The following ZNF804B variants were observed in gnomAD, a reference collection of about 807,000 sequenced individuals.
ZNF804B encodes the protein zinc finger protein 804B.
Under a neutral mutation model 101.4 loss-of-function variants are expected in ZNF804B, and 80 were observed. The ratio of observed to expected loss-of-function variants is 0.79; its 90% CI spans 0.66 to 0.95. ZNF804B has a LOEUF of 0.95. ZNF804B is among the 40% of genes least tolerant of loss of function. The pLI, the probability that ZNF804B is intolerant of heterozygous loss-of-function variation, is 0.00. For missense variants in ZNF804B, 1,673 were observed against 1,561.9 expected (o/e 1.07, Z -1.20); for synonymous variants, 622 against 558.8 (o/e 1.11, Z -1.59).
chr7:88,927,910 T>C (rs1792830388), intron 1 of ZNF804B, among the ~76,000 whole-genome samples: 1 of 152,148 alleles, frequency 6.6e-6, no homozygotes, highest in Non-Finnish European at 1.5e-5. Context: ...AATTAATATG[T>C]GGACCAGCCT....
At chr7:89,178,854 C>T (rs1448765770) in intron 1 of ZNF804B, among the ~76,000 whole-genome samples, 1 of 152,104 alleles carries the variant, frequency 6.6e-6, no homozygotes, top group Non-Finnish European at 1.5e-5. Context: ...GAACAGGTCT[C>T]CTGTTTATAA....
intron 1 of ZNF804B, among the ~76,000 whole-genome samples, chr7:88,872,569 T>C (rs7807304): frequency 0.48 from 72,335 of 150,542 alleles, 20,288 homozygotes; most frequent in African/African-American, 0.78. Context: ...ACTGCACCCA[T>C]TAACTCGTCA....
intron 1 of ZNF804B, among the ~76,000 whole-genome samples, chr7:88,986,119 T>C (rs1462546444): frequency 6.6e-6 from 1 of 152,130 alleles, no homozygotes; most frequent in Non-Finnish European, 1.5e-5. Flanking sequence ...TACATTAATA[T>C]AATATTCAAA....
chr7:88,791,786 T>C (rs1790385376), intron 1 of ZNF804B, among the ~76,000 whole-genome samples: 1 of 152,134 alleles, frequency 6.6e-6, no homozygotes, highest in Non-Finnish European at 1.5e-5. Flanking sequence ...ACATATGTAT[T>C]ATTTTTCCAC....
chr7:88,861,970 C>G (rs761356104), intron 1 of ZNF804B, among the ~76,000 whole-genome samples: 4 of 152,056 alleles, frequency 2.6e-5, no homozygotes, highest in Non-Finnish European at 5.9e-5. Flanking sequence ...CTGGGGGGAC[C>G]CAATGCTAAG....
At chr7:89,157,297 G>A (rs1790992987) in intron 1 of ZNF804B, among the ~76,000 whole-genome samples, 1 of 152,116 alleles carries the variant, frequency 6.6e-6, no homozygotes, top group South Asian at 2.1e-4. Flanking sequence ...AAAAGAAAAT[G>A]TCAAGGTCTC....
chr7:89,325,512 G>A (rs1790884393), intron 2 of ZNF804B, among the ~76,000 whole-genome samples: 1 of 151,914 alleles, frequency 6.6e-6, no homozygotes, highest in Non-Finnish European at 1.5e-5. Flanking sequence ...GATTAACATA[G>A]TAGCAATTAA....
chr7:89,320,406 G>A (rs1401065127), intron 2 of ZNF804B, among the ~76,000 whole-genome samples: 2 of 152,032 alleles, frequency 1.3e-5, no homozygotes, highest in African/African-American at 4.8e-5. Context: ...AGTCTTATCT[G>A]CTGACTAGAT....
intron 1 of ZNF804B, among the ~76,000 whole-genome samples, chr7:88,996,012 A>G (rs749470446): frequency 1.3e-5 from 2 of 152,042 alleles, no homozygotes; most frequent in South Asian, 4.1e-4. Context: ...CTAAGAAGCC[A>G]TGGCAGCTAA....
intron 1 of ZNF804B, among the ~76,000 whole-genome samples, chr7:89,211,491 G>C (rs1351222428): frequency 1.3e-5 from 2 of 152,042 alleles, no homozygotes; most frequent in Non-Finnish European, 2.9e-5. Flanking sequence ...GATTTTTGTT[G>C]TTTTGGGTTT....
chr7:88,869,142 T>C (rs532551150), intron 1 of ZNF804B, among the ~76,000 whole-genome samples: 1 of 152,348 alleles, frequency 6.6e-6, no homozygotes, highest in South Asian at 2.1e-4. Flanking sequence ...TCATCTTACA[T>C]GATATCTTAG....
chr7:88,837,115 A>G (rs760079623), intron 1 of ZNF804B, among the ~76,000 whole-genome samples: 13 of 151,926 alleles, frequency 8.6e-5, no homozygotes, highest in East Asian at 1.9e-4. Context: ...CACTTGTCCA[A>G]TTGATTGAGT....
intron 2 of ZNF804B, among the ~76,000 whole-genome samples, chr7:89,281,373 G>A (rs570551784): frequency 6.6e-6 from 1 of 152,120 alleles, no homozygotes; most frequent in East Asian, 1.9e-4. Context: ...ACATTTAAAG[G>A]TTACTAACTA....
At chr7:89,280,021 C>T (rs1393911567) in intron 2 of ZNF804B, among the ~76,000 whole-genome samples, 1 of 151,996 alleles carries the variant, frequency 6.6e-6, no homozygotes, top group Non-Finnish European at 1.5e-5. Context: ...AAGCTGTCCT[C>T]AGCAAATGTA....
chr7:89,244,905 T>A (rs561478542), intron 2 of ZNF804B, among the ~76,000 whole-genome samples: 1 of 152,266 alleles, frequency 6.6e-6, no homozygotes, highest in East Asian at 1.9e-4. Flanking sequence ...ATGTGAACAA[T>A]CTCAAATTTA....
intron 1 of ZNF804B, among the ~76,000 whole-genome samples, chr7:88,837,493 T>C (rs576245509): frequency 2.0e-5 from 3 of 152,066 alleles, no homozygotes; most frequent in African/African-American, 7.2e-5. Context: ...ATCATATTTT[T>C]CAGTGATCAA....
intron 1 of ZNF804B, among the ~76,000 whole-genome samples, chr7:89,098,272 ATTTT>A (rs10717565): frequency 7.1e-6 from 1 of 141,466 alleles, no homozygotes. Context: ...CATCATCATA[ATTTT>A]TTTTTTTTTT....
chr7:88,784,681 C>T (rs1327156915), intron 1 of ZNF804B, among the ~76,000 whole-genome samples: 7 of 152,144 alleles, frequency 4.6e-5, no homozygotes, highest in African/African-American at 1.7e-4. Context: ...GACTCTCGCT[C>T]CTCAACCCAC....
intron 1 of ZNF804B, among the ~76,000 whole-genome samples, chr7:88,933,248 C>T (rs1277078785): frequency 6.6e-6 from 1 of 151,710 alleles, no homozygotes; most frequent in East Asian, 1.9e-4. Context: ...TTTAATATCC[C>T]TTTATAATAA....
Sources: allele counts gnomAD v4.1 joint callset (sites outside exome capture counted in the v4.1 genomes callset), GRCh38; gene constraint gnomAD v4.1.1; transcripts MANE v1.5; gene names NCBI Gene and HGNC (gene_info 2026-07-23, HGNC 2026-07-21).